The following TM4SF5 variants were observed in gnomAD, a reference collection of about 807,000 sequenced individuals.
TM4SF5 encodes the protein transmembrane 4 L six family member 5.
TM4SF5 carries 16 observed loss-of-function variants against 22.3 expected under a neutral mutation model. That is an observed-to-expected ratio of 0.72 (90% CI 0.49 to 1.09). The LOEUF (loss-of-function observed/expected upper bound fraction) is 1.09, where lower values mean the gene tolerates loss of function less well. TM4SF5 is among the 50% of genes least tolerant of loss of function. The pLI is 0.00. For synonymous variants in TM4SF5, 113 were observed against 109.6 expected (o/e 1.03, Z -0.19); for missense variants, 249 against 266.1 (o/e 0.94, Z 0.45).
intron 3 of TM4SF5, 54 bp from the exon 4 acceptor site, chr17:4,782,800 G>A (rs559678348): frequency 3.2e-6 from 5 of 1,581,376 alleles, no homozygotes; most frequent in South Asian, 2.3e-5. Context: ...TCTTGGGGGC[G>A]GGGTGGCGCA....
rs1917292151 is a variant in TM4SF5, at chr17:4,780,878, C to T, written c.258+9C>T. On this transcript the variant is annotated intron_variant, in intron 2 of 4. Transcript: ENST00000270560. ...GTGGAAACCGCTGCAGGGTAAGATC[C>T]AGATTAAGAAGGAATTCAGGGCTGG... is the stretch of plus-strand genomic sequence containing the variant. 1.9e-6 allele frequency: 3 copies of T among 1,611,690 alleles called. No homozygotes were observed. The highest frequency in any genetic ancestry group is 1.1e-5 in the South Asian group (1 of 90,552).
chr17:4,772,516 C>A (rs1020828241), intron 1 of TM4SF5, among the ~76,000 whole-genome samples: 1 of 152,118 alleles, frequency 6.6e-6, no homozygotes, highest in African/African-American at 2.4e-5. Context: ...GGACTGCCCT[C>A]ACGGATCAGT....
At chr17:4,779,025 C>T (rs1917253058) in intron 1 of TM4SF5, among the ~76,000 whole-genome samples, 1 of 149,350 alleles carries the variant, frequency 6.7e-6, no homozygotes, top group African/African-American at 2.5e-5. Flanking sequence ...CCACTGTACT[C>T]CAACCTGGTG....
At position 4,778,064 on chromosome 17, in the gene TM4SF5, C is replaced by T. The variant is rs145640705; in HGVS notation, c.178-2725C>T. On this transcript the variant is annotated intron_variant, in intron 1 of 4. Coordinates refer to ENST00000270560, the MANE Select transcript of TM4SF5 (RefSeq NM_003963.3). ...CTCTCTCAAACAAAAGCAGAAACCT[C>T]AGACAAGTAGATCATTCAAAATTGG... Among the ~76,000 whole-genome samples the T allele has an allele frequency of 2.2e-4, 34 of 152,060 alleles. No individual in the cohort carries two copies. The East Asian group carries it at 6.6e-3, about 29-fold the overall frequency.
At chr17:4,775,875 G>A (rs563610578) in intron 1 of TM4SF5, among the ~76,000 whole-genome samples, 27 of 151,682 alleles carry the variant, frequency 1.8e-4, no homozygotes, top group Admixed American at 1.6e-3. Context: ...TTTTTGAGAC[G>A]GAGCTGTTGC....
chr17:4,780,650 G>A (rs1917284947), intron 1 of TM4SF5, 139 bp from the exon 2 acceptor site: 1 of 573,006 alleles, frequency 1.7e-6, no homozygotes. Flanking sequence ...GCAGCTCCAG[G>A]AGACGTAGAG....
chr17:4,778,448 T>C (rs768284346), intron 1 of TM4SF5, among the ~76,000 whole-genome samples: 3 of 151,498 alleles, frequency 2.0e-5, no homozygotes, highest in Non-Finnish European at 4.4e-5. Context: ...ACATGAACTC[T>C]CCAAAAAAAT....
At chr17:4,773,154 C>T (rs993964918) in intron 1 of TM4SF5, among the ~76,000 whole-genome samples, 12 of 152,240 alleles carry the variant, frequency 7.9e-5, no homozygotes, top group Non-Finnish European at 1.6e-4. Context: ...ATCCGCCCCC[C>T]TCGGCCTCCC....
At chr17:4,778,161 A>C (rs1393602144) in intron 1 of TM4SF5, among the ~76,000 whole-genome samples, 2 of 152,134 alleles carry the variant, frequency 1.3e-5, no homozygotes, top group African/African-American at 4.8e-5. Flanking sequence ...CAGGGAGGTA[A>C]AGTAAGGTGT....
At chr17:4,782,427 G>T in intron 2 of TM4SF5, 76 bp from the exon 3 acceptor site, 1 of 1,564,386 alleles carries the variant, frequency 6.4e-7, no homozygotes, top group South Asian at 1.1e-5. Context: ...TCGATAATGC[G>T]TGGGGGCTGG....
intron 1 of TM4SF5, among the ~76,000 whole-genome samples, chr17:4,773,609 TC>T (rs905449487): frequency 1.3e-5 from 2 of 152,160 alleles, no homozygotes; most frequent in Non-Finnish European, 2.9e-5. Flanking sequence ...AGGATACCTC[TC>T]CTTTAACCAA....
intron 3 of TM4SF5, 56 bp from the exon 4 acceptor site, chr17:4,782,798 G>A (rs1917338571): frequency 6.3e-7 from 1 of 1,580,426 alleles, no homozygotes; most frequent in Admixed American, 1.7e-5. Flanking sequence ...ATTCTTGGGG[G>A]CGGGGTGGCG....
intron 1 of TM4SF5, among the ~76,000 whole-genome samples, chr17:4,779,535 C>A (rs1369000607): frequency 6.6e-6 from 1 of 152,016 alleles, no homozygotes; most frequent in Non-Finnish European, 1.5e-5. Context: ...GCTGAGAACA[C>A]CCTCATGGGA....
intron 1 of TM4SF5, among the ~76,000 whole-genome samples, chr17:4,779,930 A>G (rs1917269089): frequency 6.6e-6 from 1 of 152,114 alleles, no homozygotes; most frequent in Admixed American, 6.6e-5. Context: ...TACACTCCAT[A>G]TCAGACCATC....
chr17:4,773,325 G>A (rs986547998), intron 1 of TM4SF5, among the ~76,000 whole-genome samples: 1 of 152,138 alleles, frequency 6.6e-6, no homozygotes, highest in Non-Finnish European at 1.5e-5. Flanking sequence ...GAGCCACCAC[G>A]CCTGGCCAAG....
chr17:4,774,091 G>A (rs1392495092), intron 1 of TM4SF5, among the ~76,000 whole-genome samples: 2 of 152,134 alleles, frequency 1.3e-5, no homozygotes, highest in African/African-American at 4.8e-5. Context: ...CATAGTGGCG[G>A]GCGCCTGTAA....
intron 2 of TM4SF5, 97 bp from the exon 3 acceptor site, chr17:4,782,406 T>C: frequency 6.9e-7 from 1 of 1,455,914 alleles, no homozygotes; most frequent in Non-Finnish European, 9.5e-7. Flanking sequence ...ACAACCCGAC[T>C]GGAGCAGATT....
chr17:4,773,120 G>A (rs944481999), intron 1 of TM4SF5, among the ~76,000 whole-genome samples: 2 of 152,050 alleles, frequency 1.3e-5, no homozygotes, highest in African/African-American at 2.4e-5. Context: ...GGCTAGGCTG[G>A]TCTCGAACTC....
chr17:4,782,887 T>A lies in TM4SF5; in HGVS notation c.429T>A (p.Asp143Glu). The A allele has an allele frequency of 1.2e-6, 2 of 1,614,060 alleles. No individual in the cohort carries two copies. The highest frequency in any genetic ancestry group is 1.7e-6 in the Non-Finnish European group (2 of 1,179,996). ...GAYLLNRTLW[D>E]RCEAPPRVVP... Reference sequence around the variant, plus strand: ...ACTTGCTCAACCGCACTCTATGGGATCGGTGCGAGGCGCCCCCTCGCGTGG... The same window carrying A: ...ACTTGCTCAACCGCACTCTATGGGAACGGTGCGAGGCGCCCCCTCGCGTGG... The change falls in exon 4 of 5, where the codon GAT (aspartate) becomes GAA (glutamate). Residue 143 changes from aspartate (D) to glutamate (E), a missense_variant. Physicochemically the swap from Asp to Glu is conservative, Grantham distance 45 (BLOSUM62 2). Transcript: ENST00000270560.
Sources: gnomAD v4.1 joint callset for allele counts (sites outside exome capture counted in the v4.1 genomes callset) on GRCh38, gnomAD v4.1.1 for gene constraint, MANE v1.5 for transcripts, NCBI Gene and HGNC (gene_info 2026-07-23, HGNC 2026-07-21) for gene names.